Variants in PRR5L observed in about 807,000 individuals in gnomAD.
PRR5L encodes the protein proline-rich protein 5-like.
PRR5L carries 21 observed loss-of-function variants against 36.4 expected under a neutral mutation model. That is an observed-to-expected ratio of 0.58 (90% CI 0.41 to 0.83). PRR5L has a LOEUF of 0.83. Among genes scored for constraint, PRR5L ranks in the 40% least tolerant of loss-of-function variants. The pLI, the probability that PRR5L is intolerant of heterozygous loss-of-function variation, is 0.00. For synonymous variants in PRR5L, 188 were observed against 197.0 expected (o/e 0.95, Z 0.38); for missense variants, 381 against 473.3 (o/e 0.80, Z 1.81).
At chr11:36,451,088 C>T (rs1858934314) in intron 7 of PRR5L, 121 bp from the exon 8 acceptor site, 4 of 1,234,720 alleles carry the variant, frequency 3.2e-6, no homozygotes, top group Admixed American at 2.1e-5. Flanking sequence ...TGCAAGGATG[C>T]TGCCTGCCAG....
At chr11:36,346,134 GATTT>G (rs968401464) in intron 1 of PRR5L, among the ~76,000 whole-genome samples, 1 of 152,060 alleles carries the variant, frequency 6.6e-6, no homozygotes, top group African/African-American at 2.4e-5. Flanking sequence ...TCTTTTGAAG[GATTT>G]ATTTTTTAAT....
chr11:36,388,694 C>CTTTTTT (rs1252535250), intron 1 of PRR5L, among the ~76,000 whole-genome samples: 1,139 of 112,582 alleles, frequency 0.01, 91 homozygotes, highest in Non-Finnish European at 0.012. Context: ...TCGGCTCTTT[C>CTTTTTT]TTTCTTTTTT....
chr11:36,332,314 G>C (rs766612832), intron 1 of PRR5L, among the ~76,000 whole-genome samples: 3 of 152,100 alleles, frequency 2.0e-5, no homozygotes, highest in Non-Finnish European at 4.4e-5. Context: ...AACCAAACCA[G>C]CAAAACTGTA....
chr11:36,391,216 G>A (rs139094862), intron 1 of PRR5L, among the ~76,000 whole-genome samples: 1 of 152,278 alleles, frequency 6.6e-6, no homozygotes, highest in East Asian at 1.9e-4. Context: ...TTTATTTTAA[G>A]TTGTTGGGCC....
chr11:36,354,229 G>A (rs895301603), intron 1 of PRR5L, among the ~76,000 whole-genome samples: 5 of 152,308 alleles, frequency 3.3e-5, no homozygotes, highest in African/African-American at 1.2e-4. Context: ...TACATGTGAA[G>A]CTCTTAGCAC....
chr11:36,376,847 TG>T (rs1239966297), intron 1 of PRR5L: 5 of 443,060 alleles, frequency 1.1e-5, no homozygotes, highest in South Asian at 9.5e-5. Flanking sequence ...GTGTCACGTT[TG>T]GGGGGGCAAC....
intron 7 of PRR5L, among the ~76,000 whole-genome samples, chr11:36,447,339 C>T (rs1159605056): frequency 6.6e-6 from 1 of 152,232 alleles, no homozygotes; most frequent in Non-Finnish European, 1.5e-5. Context: ...GCTTCCTCCC[C>T]AGAGGAAATA....
rs750334336 is a variant in PRR5L, at chr11:36,403,349, C to T, written c.216C>T (p.Asn72=). The T allele has an allele frequency of 6.8e-6, 11 of 1,614,078 alleles. No individual in the cohort carries two copies. The highest frequency in any genetic ancestry group is 5.3e-5 in the African/African-American group (4 of 75,036). The change falls in exon 3 of 9, where the codon AAC becomes AAT. Residue 72 remains asparagine (N), a synonymous_variant. Coordinates refer to ENST00000530639, the MANE Select transcript of PRR5L (RefSeq NM_001160167.2). The stretch of plus-strand genomic sequence containing the variant: ...TCAAAGGGGGTGGCTTGCAAAGCAA[C>T]GAGCTCTATGCCCTGAACGAAAACA... ...NVFKGGGLQS[N]ELYALNENIR...
chr11:36,329,538 T>G (rs1408292510), intron 1 of PRR5L, among the ~76,000 whole-genome samples: 1 of 152,228 alleles, frequency 6.6e-6, no homozygotes, highest in Non-Finnish European at 1.5e-5. Context: ...TTTCTACAAT[T>G]ATTCCCATTT....
At chr11:36,448,564 C>G (rs183379528) in intron 7 of PRR5L, among the ~76,000 whole-genome samples, 26 of 152,220 alleles carry the variant, frequency 1.7e-4, no homozygotes. Context: ...CCCTCAGCAC[C>G]CAGCATAGTC....
At chr11:36,353,631 CTG>C (rs1491362961) in intron 1 of PRR5L, among the ~76,000 whole-genome samples, 1 of 152,134 alleles carries the variant, frequency 6.6e-6, no homozygotes, top group Non-Finnish European at 1.5e-5. Context: ...TGGGATGAAA[CTG>C]TTCCACCTCA....
At chr11:36,316,369 C>T (rs1856557264) in intron 1 of PRR5L, among the ~76,000 whole-genome samples, 1 of 152,134 alleles carries the variant, frequency 6.6e-6, no homozygotes, top group South Asian at 2.1e-4. Flanking sequence ...AGGGGAATTG[C>T]AATGGAGAAA....
chr11:36,364,968 A>T (rs546356548), intron 1 of PRR5L, among the ~76,000 whole-genome samples: 1 of 152,124 alleles, frequency 6.6e-6, no homozygotes, highest in East Asian at 1.9e-4. Context: ...GAAGTTCTAG[A>T]TATTCCCCAA....
Position 36,432,522 on chromosome 11 carries a change from C to T in PRR5L, c.352+612C>T, listed in dbSNP as rs530861745. 2.6e-5 allele frequency among the ~76,000 whole-genome samples: 4 copies of T among 152,296 alleles called. No homozygotes were observed. The South Asian group carries it at 8.3e-4, about 32-fold the overall frequency. On this transcript the variant is annotated intron_variant, in intron 5 of 8. Transcript: ENST00000530639. ...AACCCCATGACTCTACCAAGGGCTA[C>T]TCTTAGCTCCCACCAAAGTGGGGCT... is the stretch of plus-strand genomic sequence containing the variant.
intron 3 of PRR5L, among the ~76,000 whole-genome samples, chr11:36,404,002 T>C (rs1470549379): frequency 2.0e-5 from 3 of 152,176 alleles, no homozygotes; most frequent in Admixed American, 2.0e-4. Context: ...AGGCCAGGAA[T>C]GGTGGATGTG....
intron 6 of PRR5L, among the ~76,000 whole-genome samples, chr11:36,442,587 G>A (rs1045266241): frequency 5.9e-5 from 9 of 152,192 alleles, no homozygotes; most frequent in South Asian, 2.1e-4. Context: ...TGATCCACCC[G>A]CCTTGGCCTT....
chr11:36,298,756 G>A (rs1051599169), intron 1 of PRR5L, among the ~76,000 whole-genome samples: 9 of 152,194 alleles, frequency 5.9e-5, no homozygotes, highest in African/African-American at 2.2e-4. Context: ...CAGTTCTGGA[G>A]GTTAAAAGTC....
chr11:36,307,666 A>C (rs923397647), intron 1 of PRR5L, among the ~76,000 whole-genome samples: 1 of 152,216 alleles, frequency 6.6e-6, no homozygotes, highest in Non-Finnish European at 1.5e-5. Context: ...GCCACCAACA[A>C]AAAAATCTGA....
At chr11:36,326,439 T>C (rs1488708526) in intron 1 of PRR5L, among the ~76,000 whole-genome samples, 1 of 151,354 alleles carries the variant, frequency 6.6e-6, no homozygotes, top group African/African-American at 2.4e-5. Context: ...ATTTTCCCAG[T>C]TTTCTCCAAA....
Sources: allele counts gnomAD v4.1 joint callset (sites outside exome capture counted in the v4.1 genomes callset), GRCh38; gene constraint gnomAD v4.1.1; transcripts MANE v1.5; gene names NCBI Gene and HGNC (gene_info 2026-07-23, HGNC 2026-07-21).